LINGO2: variants seen among roughly 807,000 people sequenced by gnomAD.
LINGO2 encodes the protein leucine-rich repeat and immunoglobulin-like domain-containing nogo receptor-interacting protein 2.
LINGO2 carries 14 observed loss-of-function variants against 30.6 expected under a neutral mutation model. The ratio of observed to expected loss-of-function variants is 0.46; its 90% confidence interval spans 0.30 to 0.72. LINGO2 has a LOEUF of 0.72. Ranked by LOEUF, LINGO2 falls within the 30% of genes least tolerant of loss-of-function variation. The pLI, the probability that LINGO2 is intolerant of heterozygous loss-of-function variation, is 0.07. For synonymous variants in LINGO2, 317 were observed against 288.5 expected, an observed-to-expected ratio of 1.10 and a Z score of -1.00; for missense variants, 729 against 751.7, an observed-to-expected ratio of 0.97 and a Z score of 0.35.
At chr9:28,313,609 T>C (rs1824715520) in intron 3 of LINGO2, among the ~76,000 whole-genome samples, 2 of 152,160 alleles carry the variant, frequency 1.3e-5, no homozygotes, top group African/African-American at 4.8e-5. Flanking sequence ...CTTAGATTGT[T>C]AGGCAGAGAG....
chr9:28,406,631 C>T (rs1478545336), intron 2 of LINGO2, among the ~76,000 whole-genome samples: 1 of 152,092 alleles, frequency 6.6e-6, no homozygotes, highest in East Asian at 1.9e-4. Context: ...TCTATCTCCA[C>T]CAGATTCTGA....
the LINGO2 span, among the ~76,000 whole-genome samples, chr9:29,173,124 T>G: frequency 2.6e-5 from 4 of 152,060 alleles, no homozygotes; most frequent in Non-Finnish European, 5.9e-5. Context: ...AGAAAAGTTA[T>G]GCAATTATCT....
the LINGO2 span, among the ~76,000 whole-genome samples, chr9:28,772,683 TA>T: frequency 6.6e-6 from 1 of 152,186 alleles, no homozygotes; most frequent in African/African-American, 2.4e-5. Flanking sequence ...TTCCCTTGCT[TA>T]AGAGGGATAG....
At chr9:28,430,469 G>A (rs546310467) in intron 2 of LINGO2, among the ~76,000 whole-genome samples, 4 of 152,086 alleles carry the variant, frequency 2.6e-5, no homozygotes, top group Non-Finnish European at 4.4e-5. Context: ...CTTTGTTCAC[G>A]TAACTCTTTT....
chr9:27,964,111 C>G (rs1819982809), intron 5 of LINGO2, among the ~76,000 whole-genome samples: 1 of 152,008 alleles, frequency 6.6e-6, no homozygotes, highest in Non-Finnish European at 1.5e-5. Flanking sequence ...TTACCTATTT[C>G]TCTCTACTTA....
At chr9:28,379,657 A>G (rs919775218) in intron 2 of LINGO2, among the ~76,000 whole-genome samples, 1 of 152,098 alleles carries the variant, frequency 6.6e-6, no homozygotes, top group Non-Finnish European at 1.5e-5. Flanking sequence ...ATGCTATTGT[A>G]TGCTTTATTA....
chr9:28,440,934 C>T (rs1259988352), intron 2 of LINGO2, among the ~76,000 whole-genome samples: 2 of 152,066 alleles, frequency 1.3e-5, no homozygotes, highest in African/African-American at 4.8e-5. Flanking sequence ...TATATACAAG[C>T]TGCTATGGTT....
chr9:28,865,682 G>T, the LINGO2 span, among the ~76,000 whole-genome samples: 1 of 152,152 alleles, frequency 6.6e-6, no homozygotes, highest in Non-Finnish European at 1.5e-5. Flanking sequence ...TACTCGGGAG[G>T]ATGAGACAGG....
At chr9:28,294,134 T>C (rs916481090) in intron 4 of LINGO2, among the ~76,000 whole-genome samples, 2 of 152,226 alleles carry the variant, frequency 1.3e-5, no homozygotes, top group Non-Finnish European at 2.9e-5. Context: ...AATAAGTCAT[T>C]AGGGAATTGA....
intron 3 of LINGO2, among the ~76,000 whole-genome samples, chr9:28,295,660 C>A (rs72709356): frequency 6.6e-6 from 1 of 152,184 alleles, no homozygotes; most frequent in South Asian, 2.1e-4. Flanking sequence ...ATAGTATGTA[C>A]CGCCTCTTCT....
chr9:28,855,949 A>C, the LINGO2 span, among the ~76,000 whole-genome samples: 3 of 152,200 alleles, frequency 2.0e-5, no homozygotes, highest in South Asian at 2.1e-4. Flanking sequence ...AGGCGGACAC[A>C]GAGGTAAAAC....
the LINGO2 span, among the ~76,000 whole-genome samples, chr9:29,164,360 T>A: frequency 7.9e-5 from 12 of 152,068 alleles, no homozygotes; most frequent in African/African-American, 2.7e-4. Context: ...AACATACAAA[T>A]CTCTAGTCAT....
chr9:28,784,457 A>G, the LINGO2 span, among the ~76,000 whole-genome samples: 1 of 152,198 alleles, frequency 6.6e-6, no homozygotes, highest in Admixed American at 6.5e-5. Context: ...TTTAAACTAG[A>G]CGACCTAATT....
At chr9:28,752,601 G>T in the LINGO2 span, among the ~76,000 whole-genome samples, 1 of 151,982 alleles carries the variant, frequency 6.6e-6, no homozygotes, top group Non-Finnish European at 1.5e-5. Context: ...TATTTCAAAA[G>T]TCCTAGGCTA....
At chr9:28,529,448 T>C (rs537598218) in intron 1 of LINGO2, among the ~76,000 whole-genome samples, 3 of 152,108 alleles carry the variant, frequency 2.0e-5, no homozygotes, top group African/African-American at 7.2e-5. Flanking sequence ...TGTTATCCCT[T>C]AATATATTCC....
upstream of LINGO2, among the ~76,000 whole-genome samples, chr9:28,674,945 G>A (rs915607542): frequency 4.6e-5 from 7 of 152,022 alleles, no homozygotes; most frequent in Non-Finnish European, 1.0e-4. Flanking sequence ...ACACTACATT[G>A]GGGAAAGACG....
intron 1 of LINGO2, among the ~76,000 whole-genome samples, chr9:28,496,419 C>T (rs1184770577): frequency 1.3e-5 from 2 of 151,340 alleles, no homozygotes; most frequent in Non-Finnish European, 2.9e-5. Context: ...ATGTAATGGC[C>T]TTCTTTGTCT....
At chr9:28,970,956 G>C in the LINGO2 span, among the ~76,000 whole-genome samples, 1 of 152,126 alleles carries the variant, frequency 6.6e-6, no homozygotes, top group Non-Finnish European at 1.5e-5. Context: ...TGTGCAGCTT[G>C]CAGCTCCAAA....
intron 1 of LINGO2, among the ~76,000 whole-genome samples, chr9:28,645,607 C>A (rs75716868): frequency 0.028 from 4,288 of 152,080 alleles, 205 homozygotes; most frequent in African/African-American, 0.097. Flanking sequence ...TAGACAGCAA[C>A]TCTCCAGATA....
Sources: gnomAD v4.1 joint callset for allele counts (sites outside exome capture counted in the v4.1 genomes callset) on GRCh38, gnomAD v4.1.1 for gene constraint, MANE v1.5 for transcripts, NCBI Gene and HGNC (gene_info 2026-07-23, HGNC 2026-07-21) for gene names.